ZNF398: variants seen among roughly 807,000 people sequenced by gnomAD.
ZNF398 encodes zinc finger protein 398, also known as zinc finger DNA binding protein ZER6.
Under a neutral mutation model 41.9 loss-of-function variants are expected in ZNF398, and 18 were observed. That is an observed-to-expected ratio of 0.43 (90% confidence interval 0.30 to 0.64). The LOEUF is 0.64. Ranked by LOEUF, ZNF398 falls within the 30% of genes least tolerant of loss-of-function variation. ZNF398 has a pLI of 0.14. For missense variants in ZNF398, 669 were observed against 822.8 expected (o/e 0.81, Z 2.29); for synonymous variants, 260 against 308.8 (o/e 0.84, Z 1.66).
At chr7:149,159,374 G>A (rs1008648976) in intron 2 of ZNF398, among the ~76,000 whole-genome samples, 22 of 151,966 alleles carry the variant, frequency 1.4e-4, no homozygotes, top group African/African-American at 4.6e-4. Flanking sequence ...TCGGCTGGGC[G>A]CGGTGGCTCA....
chr7:149,159,717 A>C (rs1445493396), intron 2 of ZNF398, among the ~76,000 whole-genome samples: 3,148 of 145,964 alleles, frequency 0.022, 98 homozygotes, highest in African/African-American at 0.08. Context: ...CTTTTCCTCA[A>C]AAAAAAAAAA....
At chr7:149,139,072 A>G (rs1001875108) in intron 2 of ZNF398, among the ~76,000 whole-genome samples, 10 of 152,054 alleles carry the variant, frequency 6.6e-5, no homozygotes, top group Non-Finnish European at 1.5e-4. Context: ...CACCACGCCC[A>G]GCTAATTTTG....
chr7:149,139,518 C>G (rs1192362480), intron 2 of ZNF398, among the ~76,000 whole-genome samples: 1 of 150,850 alleles, frequency 6.6e-6, no homozygotes, highest in Non-Finnish European at 1.5e-5. Context: ...GTCAGGAGTT[C>G]GAGACCATCC....
In ZNF398 at chr7:149,178,704, G is replaced by GCACAGTCCTTTTCTC. The variant is rs776827822; in HGVS notation, c.832_833insCACAGTCCTTTTCTC (p.Val278delinsAlaGlnSerPheSerLeu). On this transcript the variant is annotated protein_altering_variant, in exon 6 of 6. Coordinates refer to ENST00000475153, the MANE Select transcript of ZNF398 (RefSeq NM_170686.3). ...TGCTAGATCCTCGTTGTGCCCTGAG[G>GCACAGTCCTTTTCTC]TTCCAGTCCCTTTCTCTTCTCCACC... 1 of 1,614,144 alleles carries GCACAGTCCTTTTCTC rather than the reference G, an allele frequency of 6.2e-7. No homozygotes were observed. Among genetic ancestry groups the GCACAGTCCTTTTCTC allele is most frequent in the Non-Finnish European group, 8.5e-7 (1 of 1,180,028 alleles).
chr7:149,177,467 T>C (rs2129521852), intron 5 of ZNF398, among the ~76,000 whole-genome samples: 1 of 152,284 alleles, frequency 6.6e-6, no homozygotes, highest in South Asian at 2.1e-4. Context: ...AGTTTTAGTT[T>C]AGGTATTTAG....
chr7:149,147,690 C>T lies in ZNF398; in HGVS notation c.-53C>T, dbSNP rs895157281. ...GCCTGCTTGGAGCCGGGCGCGGTGG[C>T]AGCGGCGGCAGCGGCGGCGACTTCC... is the stretch of plus-strand genomic sequence containing the variant. On this transcript the variant is annotated 5_prime_UTR_variant, in exon 1 of 6. Coordinates refer to ENST00000475153, the MANE Select transcript of ZNF398 (RefSeq NM_170686.3). This position sits in a 1 kb window ranked among gnomAD's most constrained non-coding sequence, Gnocchi z 5.6. The T allele has an allele frequency of 4.8e-5, 61 of 1,275,776 alleles. No homozygotes were observed. Among genetic ancestry groups the T allele is most frequent in the Non-Finnish European group, 5.9e-5 (60 of 1,013,664 alleles). The allele number at this position is 1,275,776 out of a possible 1,614,324, so 79.0% of individuals were successfully genotyped here.
intron 4 of ZNF398, among the ~76,000 whole-genome samples, chr7:149,168,347 G>A (rs1423952906): frequency 6.6e-6 from 1 of 151,954 alleles, no homozygotes; most frequent in East Asian, 1.9e-4. Flanking sequence ...CAAAGTGCTG[G>A]GATTACAGGC....
At chr7:149,168,061 T>G (rs1795260608) in intron 4 of ZNF398, among the ~76,000 whole-genome samples, 1 of 152,094 alleles carries the variant, frequency 6.6e-6, no homozygotes, top group African/African-American at 2.4e-5. Context: ...CATCACTCCA[T>G]CCAGCCATCC....
At chr7:149,178,002 C>G (rs952763856) in intron 5 of ZNF398, among the ~76,000 whole-genome samples, 4 of 151,866 alleles carry the variant, frequency 2.6e-5, no homozygotes, top group Non-Finnish European at 4.4e-5. Context: ...TAAAAATTAC[C>G]TGAGCACAGC....
intron 4 of ZNF398, among the ~76,000 whole-genome samples, chr7:149,171,296 A>G (rs1239324868): frequency 1.3e-5 from 2 of 151,986 alleles, no homozygotes; most frequent in African/African-American, 4.8e-5. Context: ...CTTAGTGTAA[A>G]ACATATTGTA....
intron 1 of ZNF398, among the ~76,000 whole-genome samples, chr7:149,151,470 C>G (rs1441210911): frequency 6.6e-6 from 1 of 152,158 alleles, no homozygotes; most frequent in Non-Finnish European, 1.5e-5. Context: ...TTATCAGGTT[C>G]ATAGAGTTAG....
intron 1 of ZNF398, chr7:149,151,236 GAGAA>G (rs1424752249): frequency 3.2e-6 from 4 of 1,235,702 alleles, no homozygotes; most frequent in Admixed American, 2.7e-5. Flanking sequence ...TACAGGAATG[GAGAA>G]AGAATGATTG....
chr7:149,175,318 A>G lies in ZNF398; in HGVS notation c.662-1150A>G, dbSNP rs184976551. Among the ~76,000 whole-genome samples the G allele has an allele frequency of 3.0e-3, 460 of 152,208 alleles. 3 individuals carry two copies. The highest frequency in any genetic ancestry group is 0.01 in the African/African-American group (433 of 41,532). ...CTGGAGCTTGACAAGCTCTCTTGTC[A>G]GCTTGCCAACTTGTCCATTTAGTCC... On this transcript the variant is annotated intron_variant, in intron 4 of 5. Transcript: ENST00000475153.
intron 2 of ZNF398, among the ~76,000 whole-genome samples, chr7:149,138,373 A>T (rs1057031446): frequency 3.3e-5 from 5 of 152,174 alleles, no homozygotes; most frequent in African/African-American, 1.2e-4. Flanking sequence ...TGAGATCAGG[A>T]GTTCGAGACC....
intron 2 of ZNF398, among the ~76,000 whole-genome samples, chr7:149,158,379 A>G (rs1015994830): frequency 6.6e-6 from 1 of 152,182 alleles, no homozygotes; most frequent in Non-Finnish European, 1.5e-5. Context: ...GAAAAAATGG[A>G]AAGATGATCA....
intron 4 of ZNF398, among the ~76,000 whole-genome samples, chr7:149,174,767 A>G (rs1285229483): frequency 6.6e-6 from 1 of 152,338 alleles, no homozygotes; most frequent in African/African-American, 2.4e-5. Context: ...CAGAGATTGC[A>G]GTAAGCCAAG....
At chr7:149,153,136 G>A (rs1486425115) in intron 1 of ZNF398, among the ~76,000 whole-genome samples, 1 of 152,108 alleles carries the variant, frequency 6.6e-6, no homozygotes, top group African/African-American at 2.4e-5. Context: ...TGGGATTACA[G>A]GCATGAGCCA....
At chr7:149,172,377 C>T (rs1381258977) in intron 4 of ZNF398, among the ~76,000 whole-genome samples, 7 of 152,140 alleles carry the variant, frequency 4.6e-5, no homozygotes, top group African/African-American at 1.7e-4. Flanking sequence ...GTATACGCTA[C>T]CTGGCCATTA....
intron 1 of ZNF398, chr7:149,128,784 A>G (rs1225880816): frequency 1.2e-4 from 18 of 149,462 alleles, no homozygotes; most frequent in Non-Finnish European, 1.5e-5. Flanking sequence ...ATAAAATTAT[A>G]TATATATATA....
Sources: allele counts gnomAD v4.1 joint callset (sites outside exome capture counted in the v4.1 genomes callset), GRCh38; gene constraint gnomAD v4.1.1; non-coding constraint Gnocchi (gnomAD v3.1); transcripts MANE v1.5; gene names NCBI Gene and HGNC (gene_info 2026-07-23, HGNC 2026-07-21).